The following RHEX variants were observed in gnomAD, a reference collection of about 807,000 sequenced individuals.
RHEX encodes regulator of hemoglobinization and erythroid cell expansion protein.
In RHEX, 18 loss-of-function variants were observed where a neutral mutation model predicts 20.1. The observed-to-expected ratio is 0.90, with a 90% CI of 0.62 to 1.33. The LOEUF is 1.33. RHEX is among the 40% of genes most tolerant of loss of function. The pLI, the probability that RHEX is intolerant of heterozygous loss-of-function variation, is 0.00. For missense variants in RHEX, 192 were observed against 214.3 expected, an observed-to-expected ratio of 0.90 and a Z score of 0.65; for synonymous variants, 87 against 77.1, an observed-to-expected ratio of 1.13 and a Z score of -0.67.
chr1:206,101,212 T>C lies in RHEX; in HGVS notation c.318+15T>C. ...CTGCCTGCCAGGTAATGGATGTGCC[T>C]AGTGATCTCAGACGAACATATGCAG... On this transcript the variant is annotated intron_variant, in intron 5 of 5. Transcript: ENST00000331555. The C allele has an allele frequency of 6.2e-7, 1 of 1,601,158 alleles. No homozygotes were observed. The highest frequency in any genetic ancestry group is 8.5e-7 in the Non-Finnish European group (1 of 1,172,148).
At chr1:206,065,288 A>AAG (rs1662402117) in intron 1 of RHEX, among the ~76,000 whole-genome samples, 3 of 151,648 alleles carry the variant, frequency 2.0e-5, no homozygotes, top group African/African-American at 7.3e-5. Flanking sequence ...AAAAAAAAAA[A>AAG]GATTTTTCTG....
At chr1:206,094,023 G>A (rs1306090950) in intron 1 of RHEX, among the ~76,000 whole-genome samples, 1 of 152,150 alleles carries the variant, frequency 6.6e-6, no homozygotes, top group African/African-American at 2.4e-5. Context: ...ACATTAGTGT[G>A]GGGGCTGGAT....
At chr1:206,096,765 G>GTT (rs60225298) in intron 1 of RHEX, among the ~76,000 whole-genome samples, 7,120 of 122,792 alleles carry the variant, frequency 0.058, 117 homozygotes, top group South Asian at 0.12. Context: ...CAAGTCCCCT[G>GTT]TTTTTTTTTT....
chr1:206,075,942 A>G (rs1186057426), intron 1 of RHEX, among the ~76,000 whole-genome samples: 3 of 152,120 alleles, frequency 2.0e-5, no homozygotes, highest in African/African-American at 7.2e-5. Context: ...CTGTCTTGGC[A>G]TTATTGCCCC....
intron 1 of RHEX, among the ~76,000 whole-genome samples, chr1:206,072,942 C>T (rs575051025): frequency 1.3e-5 from 2 of 151,818 alleles, no homozygotes; most frequent in South Asian, 2.1e-4. Context: ...AGCAATCCCC[C>T]TCACCCCGCC....
intron 1 of RHEX, among the ~76,000 whole-genome samples, chr1:206,079,919 C>G (rs1360986483): frequency 6.6e-6 from 1 of 152,194 alleles, no homozygotes; most frequent in African/African-American, 2.4e-5. Flanking sequence ...GAGACACCCA[C>G]ATTTGCAAAC....
chr1:206,063,737 G>C (rs112082484), intron 1 of RHEX, among the ~76,000 whole-genome samples: 12,678 of 152,032 alleles, frequency 0.083, 1,276 homozygotes, highest in African/African-American at 0.24. Flanking sequence ...GATCTCGGCT[G>C]GCTACAACCT....
intron 1 of RHEX, among the ~76,000 whole-genome samples, chr1:206,074,322 C>T (rs1453452540): frequency 6.6e-6 from 1 of 152,158 alleles, no homozygotes; most frequent in Non-Finnish European, 1.5e-5. Flanking sequence ...ACTCTGTATC[C>T]CAGTGCTTAG....
chr1:206,100,379 T>C (rs1279693696), intron 4 of RHEX, among the ~76,000 whole-genome samples: 1 of 152,268 alleles, frequency 6.6e-6, no homozygotes, highest in Admixed American at 6.5e-5. Flanking sequence ...GGCAACTCCC[T>C]GATAGGGGCT....
intron 1 of RHEX, chr1:206,060,337 T>C (rs1315290525): frequency 1.3e-5 from 2 of 152,230 alleles, no homozygotes; most frequent in African/African-American, 4.8e-5. Context: ...CTCATTTGCA[T>C]AGGTGTGCAA....
chr1:206,056,732 T>G (rs1662201473), intron 1 of RHEX, among the ~76,000 whole-genome samples: 2 of 152,210 alleles, frequency 1.3e-5, no homozygotes, highest in African/African-American at 2.4e-5. Context: ...AACCTTAAAA[T>G]TTGACACTTG....
At chr1:206,055,433 T>C (rs1307816972) in intron 1 of RHEX, among the ~76,000 whole-genome samples, 2 of 152,244 alleles carry the variant, frequency 1.3e-5, no homozygotes, top group Non-Finnish European at 2.9e-5. Flanking sequence ...CTTTAGCCTA[T>C]TTGGCTATCC....
chr1:206,059,874 C>G (rs989444971), intron 1 of RHEX, among the ~76,000 whole-genome samples: 1 of 152,162 alleles, frequency 6.6e-6, no homozygotes, highest in Non-Finnish European at 1.5e-5. Flanking sequence ...CAGGCTCCCA[C>G]GCCTGCCACC....
intron 1 of RHEX, among the ~76,000 whole-genome samples, chr1:206,074,448 A>G (rs1332660826): frequency 6.6e-6 from 1 of 152,258 alleles, no homozygotes; most frequent in Non-Finnish European, 1.5e-5. Context: ...CCATCATAGC[A>G]AAGCAAATGT....
chr1:206,087,587 A>G (rs1405176027), intron 1 of RHEX, among the ~76,000 whole-genome samples: 1 of 152,212 alleles, frequency 6.6e-6, no homozygotes, highest in African/African-American at 2.4e-5. Flanking sequence ...CACACCATCA[A>G]GAGTATTTCA....
At chr1:206,092,973 A>C (rs1248705966) in intron 1 of RHEX, among the ~76,000 whole-genome samples, 2 of 152,216 alleles carry the variant, frequency 1.3e-5, no homozygotes, top group Admixed American at 1.3e-4. Context: ...GGCTGAAAAG[A>C]GCCTTAGGAG....
intron 1 of RHEX, among the ~76,000 whole-genome samples, chr1:206,063,221 C>A (rs1429942288): frequency 6.6e-6 from 1 of 152,016 alleles, no homozygotes; most frequent in Non-Finnish European, 1.5e-5. Context: ...CAAAGAAAAG[C>A]GAGGAGATGA....
chr1:206,060,047 G>A (rs1276267996), intron 1 of RHEX, among the ~76,000 whole-genome samples: 2 of 152,170 alleles, frequency 1.3e-5, no homozygotes, highest in African/African-American at 2.4e-5. Flanking sequence ...GAGCTCTGGA[G>A]TGAAACAATC....
Position 206,066,458 on chromosome 1 carries a change from A to G in RHEX, c.-97+13193A>G, listed in dbSNP as rs568106742. Among the ~76,000 whole-genome samples the G allele has an allele frequency of 2.0e-5, 3 of 152,284 alleles. No homozygotes were observed. In the South Asian group the frequency reaches 6.2e-4, roughly 32 times the overall value. ...ATGGTGAAACCCTGTCTCTACTAAA[A>G]ATACAGAAATAAGCTGGGTGTGGTG... On this transcript the variant is annotated intron_variant, in intron 1 of 5. Transcript: ENST00000331555.
Sources: allele counts gnomAD v4.1 joint callset (sites outside exome capture counted in the v4.1 genomes callset), GRCh38; gene constraint gnomAD v4.1.1; transcripts MANE v1.5; gene names NCBI Gene and HGNC (gene_info 2026-07-23, HGNC 2026-07-21).